The following BPI variants were observed in gnomAD, a reference collection of about 807,000 sequenced individuals.
BPI encodes the protein bactericidal permeability-increasing protein.
Under a neutral mutation model 57.6 loss-of-function variants are expected in BPI, and 48 were observed. The observed-to-expected ratio is 0.83, with a 90% CI of 0.66 to 1.06. The LOEUF (loss-of-function observed/expected upper bound fraction) is 1.06. BPI is among the 50% of genes least tolerant of loss of function. The pLI is 0.00. For synonymous variants in BPI, 237 were observed against 238.2 expected (o/e 0.99, Z 0.05); for missense variants, 651 against 609.7 (o/e 1.07, Z -0.71).
At chr20:38,304,499 A>C in intron 1 of BPI, 146 bp downstream of exon 1, 3 of 1,183,790 alleles carry the variant, frequency 2.5e-6, no homozygotes, top group Non-Finnish European at 3.5e-6. Flanking sequence ...ATATGAAGAA[A>C]CTGAGGCAAA....
At chr20:38,316,261 T>C (rs1221823452) in intron 5 of BPI, among the ~76,000 whole-genome samples, 1 of 152,114 alleles carries the variant, frequency 6.6e-6, no homozygotes, top group African/African-American at 2.4e-5. Context: ...AAAAATAACT[T>C]GATTGGCAGT....
chr20:38,324,774 A>G lies in BPI; in HGVS notation c.934A>G (p.Ile312Val). 1 of 1,611,010 alleles carries G rather than the reference A, an allele frequency of 6.2e-7. No individual in the cohort carries two copies. Among genetic ancestry groups the G allele is most frequent in the Non-Finnish European group, 8.5e-7 (1 of 1,177,190 alleles). Residue 312 changes from isoleucine (I) to valine (V), a missense_variant and splice_region_variant, in exon 9 of 15, where the codon ATT (isoleucine) becomes GTT (valine). By Grantham distance (29) the Ile-to-Val change is conservative (BLOSUM62 3). Coordinates refer to ENST00000642449, the MANE Select transcript of BPI (RefSeq NM_001725.3). The stretch of plus-strand genomic sequence containing the variant: ...ATCCTTTTCTCATCTCTTGCTACAG[A>G]TTCCAAAGGAGTCCAAATTTCGACT... ...VLKMTLRDDM[I>V]PKESKFRLTT...
At position 38,320,187 on chromosome 20, in the gene BPI, G is replaced by C. The variant is rs1217689412; in HGVS notation, c.669G>C (p.Met223Ile). 6.2e-7 allele frequency: 1 copy of C among 1,613,874 alleles called. No homozygotes were observed. Residue 223 changes from methionine (M) to isoleucine (I), a missense_variant, in exon 7 of 15, where the codon ATG (methionine) becomes ATC (isoleucine). Transcript: ENST00000642449. ...GTCCATTTTCTTTCTCTCTAGTAAT[G>C]ACCAAAATAGATTCTGTGGCTGGAA... is the stretch of plus-strand genomic sequence containing the variant. ...LQPYFQTLPV[M>I]TKIDSVAGIN...
chr20:38,331,678 T>C (rs777369675), intron 12 of BPI, among the ~76,000 whole-genome samples: 7 of 151,924 alleles, frequency 4.6e-5, no homozygotes, highest in East Asian at 1.9e-4. Flanking sequence ...ACCTCATCTC[T>C]TATAAAAAAT....
chr20:38,312,073 C>T, intron 5 of BPI, 136 bp downstream of exon 5: 1 of 837,650 alleles, frequency 1.2e-6, no homozygotes, highest in Non-Finnish European at 1.9e-6. Flanking sequence ...AACCACAACC[C>T]CAGCTCTAAA....
At chr20:38,310,013 G>T (rs139498753) in intron 3 of BPI, among the ~76,000 whole-genome samples, 2 of 152,290 alleles carry the variant, frequency 1.3e-5, no homozygotes, top group African/African-American at 2.4e-5. Flanking sequence ...AAAAACAAAA[G>T]AATGTCCACT....
intron 13 of BPI, among the ~76,000 whole-genome samples, chr20:38,335,267 T>C (rs2076761775): frequency 6.6e-6 from 1 of 152,162 alleles, no homozygotes; most frequent in South Asian, 2.1e-4. Context: ...CATGCATAAA[T>C]ACCCCTATTA....
rs934757319 is a variant in BPI at position 38,308,943 on chromosome 20, G to T, written c.259G>T (p.Glu87Ter). The part of the protein sequence containing the change: ...HYSFYSMDIR[E>*]FQLPSSQISM... ...TCTCCTTTGCAGCATGGACATCCGT[G>T]AATTCCAGCTTCCCAGTTCCCAGAT... The change falls in exon 3 of 15, where the codon GAA becomes TAA. Residue 87 changes from glutamate (E) to a stop codon, truncating the protein, a stop_gained. Coordinates refer to ENST00000642449, the MANE Select transcript of BPI (RefSeq NM_001725.3). LOFTEE classifies it high-confidence loss of function. 6.2e-6 allele frequency: 10 copies of T among 1,614,192 alleles called. No individual in the cohort carries two copies. The highest frequency in any genetic ancestry group is 8.5e-6 in the Non-Finnish European group (10 of 1,180,014).
At chr20:38,335,121 G>C (rs1412222680) in intron 13 of BPI, among the ~76,000 whole-genome samples, 1 of 152,132 alleles carries the variant, frequency 6.6e-6, no homozygotes, top group African/African-American at 2.4e-5. Flanking sequence ...ATGTAGCTTT[G>C]TAATGACCTG....
rs1600704086 is a variant in BPI at position 38,317,912 on chromosome 20, A to G, written c.601-501A>G. 9 of 985,396 alleles carry G rather than the reference A, an allele frequency of 9.1e-6. No individual in the cohort carries two copies. The South Asian group carries it at 3.8e-4, about 41-fold the overall frequency. 61.0% of individuals were successfully genotyped at this position (985,396 alleles called of 1,614,324 possible). A position where few individuals can be genotyped will look rare whatever the true frequency, so the allele number is the denominator to read the frequency against. ...GGGATTGGGGTGGAGTGGCAAAGGCAGGTAGGGAATGGCTTCTCTGGCCAT... is the reference window on the plus strand; with the variant it reads ...GGGATTGGGGTGGAGTGGCAAAGGCGGGTAGGGAATGGCTTCTCTGGCCAT... On this transcript the variant is annotated intron_variant, in intron 5 of 14. Coordinates refer to ENST00000642449, the MANE Select transcript of BPI (RefSeq NM_001725.3).
Position 38,323,986 on chromosome 20 carries a change from C to A in BPI, c.873C>A (p.Asn291Lys), listed in dbSNP as rs1186206609. ...TGGGCCTCTCAGACTACTTCTTCAA[C>A]ACAGCCGGGCTTGTATACCAAGAGG... ...VYLGLSDYFF[N>K]TAGLVYQEAG... is the part of the protein sequence containing the mutation. The change falls in exon 8 of 15, where the codon AAC becomes AAA. Residue 291 changes from asparagine to lysine, a missense_variant. Physicochemically the swap from Asn to Lys is moderately conservative, Grantham distance 94. Coordinates refer to ENST00000642449, the MANE Select transcript of BPI (RefSeq NM_001725.3). 6.2e-7 allele frequency: 1 copy of A among 1,614,174 alleles called. No individual in the cohort carries two copies. The highest frequency in any genetic ancestry group is 8.5e-7 in the Non-Finnish European group (1 of 1,180,030).
chr20:38,326,169 T>C, intron 9 of BPI, 96 bp from the exon 10 acceptor site: 2 of 1,252,138 alleles, frequency 1.6e-6, no homozygotes, highest in Admixed American at 2.4e-5. Flanking sequence ...TGGGAAGACA[T>C]TGAAGGTATT....
chr20:38,320,216 A>C lies in BPI; in HGVS notation c.698A>C (p.Asn233Thr). 1.2e-6 allele frequency: 2 copies of C among 1,614,116 alleles called. No homozygotes were observed. Among genetic ancestry groups the C allele is most frequent in the Non-Finnish European group, 1.7e-6 (2 of 1,180,010 alleles). The change falls in exon 7 of 15, where the codon AAC becomes ACC. Residue 233 changes from asparagine (N) to threonine (T), a missense_variant. Coordinates refer to ENST00000642449, the MANE Select transcript of BPI (RefSeq NM_001725.3). ...AAAATAGATTCTGTGGCTGGAATCA[A>C]CTATGGTCTGGTGGCACCTCCAGCA... ...MTKIDSVAGINYGLVAPPATT... is the reference protein window; with the variant it reads ...MTKIDSVAGITYGLVAPPATT...
chr20:38,310,623 C>T lies in BPI; in HGVS notation c.507C>T (p.Val169=), dbSNP rs2076617488. The T allele has an allele frequency of 1.2e-6, 2 of 1,613,734 alleles. No homozygotes were observed. The highest frequency in any genetic ancestry group is 2.2e-5 in the East Asian group (1 of 44,892). The change falls in exon 4 of 15, where the codon GTC becomes GTT. Residue 169 remains valine (V), a synonymous_variant. Coordinates refer to ENST00000642449, the MANE Select transcript of BPI (RefSeq NM_001725.3). ...GCTGCAGCAGCCACATCAACAGTGT[C>T]CACGTGCACATCTCAAAGAGCAAAG... ...CSSCSSHINS[V]HVHISKSKVG... is the part of the protein sequence containing the mutation.
chr20:38,310,787 G>C, intron 4 of BPI, 135 bp downstream of exon 4: 19 of 1,093,772 alleles, frequency 1.7e-5, no homozygotes, highest in Non-Finnish European at 2.4e-5. Context: ...GCATGGTATG[G>C]GGGCCAGGGG....
In BPI at chr20:38,334,452, T is replaced by C. The variant is rs1382709575; in HGVS notation, c.1295T>C (p.Met432Thr). The C allele has an allele frequency of 6.2e-7, 1 of 1,613,922 alleles. No individual in the cohort carries two copies. The highest frequency in any genetic ancestry group is 8.5e-7 in the Non-Finnish European group (1 of 1,179,912). Residue 432 changes from methionine (M) to threonine (T), a missense_variant, in exon 13 of 15, where the codon ATG becomes ACG. Transcript: ENST00000642449. ...PFPVELLQDI[M>T]NYIVPILVLP... The stretch of plus-strand genomic sequence containing the variant: ...CAGGTTGAATTGCTGCAGGATATCA[T>C]GAACTACATTGTACCCATTCTTGTG...
chr20:38,313,148 GC>G (rs1435499834), intron 5 of BPI, among the ~76,000 whole-genome samples: 1 of 152,172 alleles, frequency 6.6e-6, no homozygotes, highest in Non-Finnish European at 1.5e-5. Context: ...ACTTTGGGAG[GC>G]CAAGGCAGGT....
intron 7 of BPI, among the ~76,000 whole-genome samples, chr20:38,322,045 A>T (rs1473757229): frequency 7.2e-5 from 11 of 152,152 alleles, no homozygotes; most frequent in Admixed American, 2.0e-4. Context: ...AACTTTAAAA[A>T]CTCAACACGT....
chr20:38,313,842 T>C (rs1388891030), intron 5 of BPI, among the ~76,000 whole-genome samples: 4 of 148,454 alleles, frequency 2.7e-5, no homozygotes, highest in African/African-American at 1.0e-4. Flanking sequence ...GTGATGGTGA[T>C]GATGGTGATG....
Sources: allele counts gnomAD v4.1 joint callset (sites outside exome capture counted in the v4.1 genomes callset), GRCh38; gene constraint gnomAD v4.1.1; transcripts MANE v1.5; gene names NCBI Gene and HGNC (gene_info 2026-07-23, HGNC 2026-07-21).